SPIRE2: variants seen among roughly 807,000 people sequenced by gnomAD.
SPIRE2 encodes protein spire homolog 2.
SPIRE2 carries 76 observed loss-of-function variants against 80.7 expected under a neutral mutation model. The ratio of observed to expected loss-of-function variants is 0.94; its 90% CI spans 0.78 to 1.14. SPIRE2 has a LOEUF of 1.14. SPIRE2 is among the 50% of genes most tolerant of loss of function. SPIRE2 has a pLI of 0.00. For synonymous variants in SPIRE2, 535 were observed against 432.6 expected, an observed-to-expected ratio of 1.24 and a Z score of -2.94; for missense variants, 1,196 against 1,015.3, an observed-to-expected ratio of 1.18 and a Z score of -2.42.
intron 2 of SPIRE2, chr16:89,849,845 T>A (rs1000433726): frequency 5.8e-6 from 1 of 171,142 alleles, no homozygotes; most frequent in African/African-American, 2.5e-5. Context: ...AAAAAACTTC[T>A]TTTTTTTTTT....
chr16:89,828,825 A>G lies in SPIRE2; in HGVS notation c.244+31A>G. ...GCCGGGGGCGGGGCAGCCGGCGGGG[A>G]CCGCGGTCTGGGGCGTCCGTCCCGC... is the stretch of plus-strand genomic sequence containing the variant. On this transcript the variant is annotated intron_variant, in intron 1 of 14. Coordinates refer to ENST00000378247, the MANE Select transcript of SPIRE2 (RefSeq NM_032451.2). This position sits in a 1 kb window ranked among gnomAD's most constrained non-coding sequence, Gnocchi z 5.9. 8.6e-7 allele frequency: 1 copy of G among 1,169,344 alleles called. No homozygotes were observed. The highest frequency in any genetic ancestry group is 1.6e-5 in the African/African-American group (1 of 61,872). The allele number at this position is 1,169,344 out of a possible 1,614,324, so 72.4% of individuals were successfully genotyped here. A position where few individuals can be genotyped will look rare whatever the true frequency, so the allele number is the denominator to read the frequency against.
Position 89,840,205 on chromosome 16 carries a change from A to G in SPIRE2, c.245-5117A>G, listed in dbSNP as rs1458653718. 4.6e-5 allele frequency among the ~76,000 whole-genome samples: 7 copies of G among 150,818 alleles called. No homozygotes were observed. In the East Asian group the frequency reaches 5.8e-4, roughly 13 times the overall value. ...CTGCTGGAGGAGCTGCAGGCAGCAA[A>G]TGTCCCACAGACATCCCTCTTCCAA... On this transcript the variant is annotated intron_variant, in intron 1 of 14. Transcript: ENST00000378247.
intron 10 of SPIRE2, among the ~76,000 whole-genome samples, chr16:89,861,734 GC>G (rs2041746078): frequency 6.6e-6 from 1 of 152,212 alleles, no homozygotes; most frequent in Non-Finnish European, 1.5e-5. Flanking sequence ...TCAAATCGGG[GC>G]TGGAGGAGCC....
chr16:89,831,188 C>T (rs1321256803), intron 1 of SPIRE2, among the ~76,000 whole-genome samples: 5 of 150,464 alleles, frequency 3.3e-5, no homozygotes, highest in Non-Finnish European at 7.5e-5. Flanking sequence ...GGATTACAGG[C>T]GTGAGCCACT....
intron 1 of SPIRE2, among the ~76,000 whole-genome samples, chr16:89,829,722 T>A (rs2041361222): frequency 7.2e-6 from 1 of 139,456 alleles, no homozygotes; most frequent in Non-Finnish European, 1.7e-5. Context: ...AGCCCCCCCC[T>A]CAGCTGCCTC....
chr16:89,846,262 A>G (rs2143798532), intron 2 of SPIRE2: 1 of 151,584 alleles, frequency 6.6e-6, no homozygotes, highest in African/African-American at 2.4e-5. Context: ...TCCTGGGCTC[A>G]AGCCATCCTC....
Position 89,856,102 on chromosome 16 carries a change from C to A in SPIRE2, c.979-11C>A. Reference sequence around the variant, plus strand: ...TGCTTCCCCACCGCAGGTCTCGCTTCCCCACCGCAGGTCTCTGAGAGGCGG... The same window carrying A: ...TGCTTCCCCACCGCAGGTCTCGCTTACCCACCGCAGGTCTCTGAGAGGCGG... On this transcript the variant is annotated splice_polypyrimidine_tract_variant and intron_variant, in intron 6 of 14. Transcript: ENST00000378247. 6.2e-7 allele frequency: 1 copy of A among 1,610,770 alleles called. No individual in the cohort carries two copies. The highest frequency in any genetic ancestry group is 8.5e-7 in the Non-Finnish European group (1 of 1,179,354).
intron 12 of SPIRE2, among the ~76,000 whole-genome samples, chr16:89,864,499 G>T (rs1246471153): frequency 6.6e-6 from 1 of 152,142 alleles, no homozygotes; most frequent in Non-Finnish European, 1.5e-5. Context: ...TTTATTACTC[G>T]CTCAGCCACG....
At chr16:89,832,796 C>T (rs940008512) in intron 1 of SPIRE2, among the ~76,000 whole-genome samples, 2 of 151,924 alleles carry the variant, frequency 1.3e-5, no homozygotes, top group African/African-American at 2.4e-5. Context: ...CTTGTTTGCT[C>T]CTCTGATGAA....
chr16:89,855,781 C>A, intron 6 of SPIRE2, 95 bp downstream of exon 6: 1 of 1,298,912 alleles, frequency 7.7e-7, no homozygotes, highest in Non-Finnish European at 1.1e-6. Flanking sequence ...CTTCCTGTGG[C>A]CAGCCTGGGA....
intron 1 of SPIRE2, among the ~76,000 whole-genome samples, chr16:89,840,664 G>GTC (rs1233865576): frequency 6.9e-5 from 9 of 129,688 alleles, no homozygotes; most frequent in African/African-American, 1.2e-4. Context: ...TTGAGATGGA[G>GTC]TCACTCTGTC....
chr16:89,844,897 C>T (rs2041542845), intron 1 of SPIRE2, among the ~76,000 whole-genome samples: 1 of 152,204 alleles, frequency 6.6e-6, no homozygotes, highest in African/African-American at 2.4e-5. Context: ...ACTCCACCTG[C>T]CCCTCCTTCA....
In SPIRE2 at chr16:89,868,522, G is replaced by C. The variant is rs545243445; in HGVS notation, c.1806+306G>C. The stretch of plus-strand genomic sequence containing the variant: ...AGGAGGGGCTTCTTATTGCAGTTGA[G>C]GTGTGTGCTTATGTGCAGGTGCACA... On this transcript the variant is annotated intron_variant, in intron 13 of 14. Transcript: ENST00000378247. Among the ~76,000 whole-genome samples, 9 of 152,280 alleles carry C rather than the reference G, an allele frequency of 5.9e-5. 1 individual carries two copies. In the East Asian group the frequency reaches 1.5e-3, roughly 26 times the overall value.
In SPIRE2 at chr16:89,856,172, C is replaced by A; in HGVS notation, c.1038C>A (p.Ile346=). 1 of 1,609,994 alleles carries A rather than the reference C, an allele frequency of 6.2e-7. No individual in the cohort carries two copies. The highest frequency in any genetic ancestry group is 8.5e-7 in the Non-Finnish European group (1 of 1,178,840). ...AGCAAAGGTCCCTGCATGAGAAGAT[C>A]CTGGAGGAGATCAAGCAGGAGCGGA... ...PPKQRSLHEK[I]LEEIKQERRL... Residue 346 remains isoleucine (I), a synonymous_variant, in exon 7 of 15, where the codon ATC becomes ATA. Transcript: ENST00000378247.
chr16:89,856,014 G>C, intron 6 of SPIRE2, 99 bp from the exon 7 acceptor site: 1 of 1,534,678 alleles, frequency 6.5e-7, no homozygotes. Flanking sequence ...CCCGTGTCAT[G>C]GTCACTTCCC....
rs751208701 is a variant in SPIRE2 at position 89,854,379 on chromosome 16, C to A, written c.726+13C>A. The A allele has an allele frequency of 6.2e-7, 1 of 1,611,822 alleles. No homozygotes were observed. The highest frequency in any genetic ancestry group is 1.3e-5 in the African/African-American group (1 of 75,036). On this transcript the variant is annotated intron_variant, in intron 4 of 14. Transcript: ENST00000378247. ...TCACACAGACTGGGTAAGGCTCACT[C>A]CCACCTGACCGGGCCACTGACGCGG...
At chr16:89,834,563 C>T (rs569026207) in intron 1 of SPIRE2, among the ~76,000 whole-genome samples, 30 of 109,780 alleles carry the variant, frequency 2.7e-4, no homozygotes, top group South Asian at 7.5e-4. Flanking sequence ...CGCGGTTGGC[C>T]GTCGTAGAAG....
intron 12 of SPIRE2, among the ~76,000 whole-genome samples, chr16:89,866,407 C>T (rs1025919835): frequency 6.6e-6 from 1 of 152,060 alleles, no homozygotes; most frequent in Non-Finnish European, 1.5e-5. Flanking sequence ...AAGTGATTCT[C>T]CTGCCTCAGC....
chr16:89,840,491 C>T lies in SPIRE2; in HGVS notation c.245-4831C>T, dbSNP rs560198882. Among the ~76,000 whole-genome samples, 58 of 150,988 alleles carry T rather than the reference C, an allele frequency of 3.8e-4. No homozygotes were observed. In the South Asian group the frequency reaches 0.011, roughly 29 times the overall value. The stretch of plus-strand genomic sequence containing the variant: ...GTTTCGATCTCCTGACCTTGGGATC[C>T]GCCCGCCTCGGCCTCCCAAAGTGCT... On this transcript the variant is annotated intron_variant, in intron 1 of 14. Transcript: ENST00000378247.
Sources: allele counts gnomAD v4.1 joint callset (sites outside exome capture counted in the v4.1 genomes callset), GRCh38; gene constraint gnomAD v4.1.1; non-coding constraint Gnocchi (gnomAD v3.1); transcripts MANE v1.5; gene names NCBI Gene and HGNC (gene_info 2026-07-23, HGNC 2026-07-21).